Variants in LRIF1 observed in about 807,000 individuals in gnomAD.
LRIF1 encodes the protein ligand dependent nuclear receptor interacting factor 1.
A neutral mutation model predicts 52.7 loss-of-function variants in LRIF1; 32 were observed. The ratio of observed to expected loss-of-function variants is 0.61; its 90% CI spans 0.46 to 0.82. The LOEUF (loss-of-function observed/expected upper bound fraction) is 0.82. LRIF1 is among the 40% of genes least tolerant of loss of function. The pLI is 0.00. For synonymous variants in LRIF1, 323 were observed against 317.4 expected, an observed-to-expected ratio of 1.02 and a Z score of -0.19; for missense variants, 887 against 892.0, an observed-to-expected ratio of 0.99 and a Z score of 0.07.
chr1:110,961,819 G>C (rs888575501), intron 1 of LRIF1, among the ~76,000 whole-genome samples: 5 of 152,006 alleles, frequency 3.3e-5, no homozygotes, highest in Non-Finnish European at 7.4e-5. Context: ...TTACAGAACA[G>C]AATGGAATCA....
chr1:110,957,301 C>CAAA (rs35011841), intron 1 of LRIF1, among the ~76,000 whole-genome samples: 72 of 81,872 alleles, frequency 8.8e-4, no homozygotes, highest in African/African-American at 3.0e-3. Flanking sequence ...ACTAAAAATA[C>CAAA]AAAAAAAAAA....
At chr1:110,885,119 A>G in the LRIF1 span, among the ~76,000 whole-genome samples, 2 of 152,140 alleles carry the variant, frequency 1.3e-5, no homozygotes, top group Non-Finnish European at 2.9e-5. Context: ...CACTTTACAT[A>G]TAAGAAGCTC....
chr1:110,911,576 C>G, the LRIF1 span, among the ~76,000 whole-genome samples: 6 of 152,048 alleles, frequency 3.9e-5, no homozygotes, highest in Non-Finnish European at 7.4e-5. Context: ...GCCAATATAC[C>G]TGATGAACAC....
At chr1:110,894,920 CT>C in the LRIF1 span, 29 of 1,505,800 alleles carry the variant, frequency 1.9e-5, no homozygotes, top group Non-Finnish European at 2.4e-5. Flanking sequence ...AACTCACCTG[CT>C]TTTTACCATG....
In LRIF1 at chr1:110,952,684, G is replaced by A; in HGVS notation, c.200C>T (p.Ala67Val). 6.2e-7 allele frequency: 1 copy of A among 1,614,068 alleles called. No homozygotes were observed. Among genetic ancestry groups the A allele is most frequent in the Non-Finnish European group, 8.5e-7 (1 of 1,179,998 alleles). The stretch of plus-strand genomic sequence containing the variant: ...TGGTTTTCCTGTATTCCCTTTCAAA[G>A]CATCAGACATGACTGAAGATTGAAC... Reference protein sequence around the residue: ...PLVQSSVMSDALKGNTGKPVQ... With the variant: ...PLVQSSVMSDVLKGNTGKPVQ... The change falls in exon 2 of 4, where the codon GCT becomes GTT. Residue 67 changes from alanine to valine, a missense_variant. By Grantham distance (64) the Ala-to-Val change is moderately conservative. Coordinates refer to ENST00000369763, the MANE Select transcript of LRIF1 (RefSeq NM_018372.4).
chr1:110,949,292 G>T (rs1347513392), intron 3 of LRIF1, among the ~76,000 whole-genome samples: 2 of 151,766 alleles, frequency 1.3e-5, no homozygotes, highest in Admixed American at 1.3e-4. Flanking sequence ...CTAATTTTTT[G>T]TATTTTTAGT....
downstream of LRIF1, chr1:110,943,493 GATTT>G (rs1426267335): frequency 6.6e-6 from 1 of 152,078 alleles, no homozygotes; most frequent in Non-Finnish European, 1.5e-5. Flanking sequence ...TATTTATTAG[GATTT>G]ATTTAACCAA....
chr1:110,954,942 C>G (rs1033519356), intron 1 of LRIF1, among the ~76,000 whole-genome samples: 1 of 152,202 alleles, frequency 6.6e-6, no homozygotes, highest in East Asian at 1.9e-4. Flanking sequence ...ATTCTGTACT[C>G]TTTTGTTAGA....
chr1:110,959,989 A>C (rs1341238837), intron 1 of LRIF1, among the ~76,000 whole-genome samples: 1 of 152,074 alleles, frequency 6.6e-6, no homozygotes, highest in Non-Finnish European at 1.5e-5. Flanking sequence ...ATACATATAG[A>C]ACATAATATA....
chr1:110,924,703 A>T, the LRIF1 span, among the ~76,000 whole-genome samples: 1 of 152,190 alleles, frequency 6.6e-6, no homozygotes, highest in Non-Finnish European at 1.5e-5. Context: ...TTGGGTGGGG[A>T]TACAAAGCCT....
the LRIF1 span, chr1:110,899,117 T>C: frequency 6.2e-7 from 1 of 1,612,164 alleles, no homozygotes; most frequent in Non-Finnish European, 8.5e-7. Flanking sequence ...CCCAACTCTT[T>C]TCACAGGTGT....
At chr1:110,904,098 C>A in the LRIF1 span, among the ~76,000 whole-genome samples, 1 of 152,184 alleles carries the variant, frequency 6.6e-6, no homozygotes, top group East Asian at 1.9e-4. Context: ...TGAATGCCAG[C>A]TCAGCCACAG....
chr1:110,902,588 A>G, the LRIF1 span, among the ~76,000 whole-genome samples: 1 of 152,128 alleles, frequency 6.6e-6, no homozygotes, highest in African/African-American at 2.4e-5. Context: ...GGCATTAAAA[A>G]CAGTGATCTC....
intron 1 of LRIF1, among the ~76,000 whole-genome samples, chr1:110,961,531 T>C (rs1658946571): frequency 6.6e-6 from 1 of 152,180 alleles, no homozygotes; most frequent in Non-Finnish European, 1.5e-5. Flanking sequence ...TAAGATTAAA[T>C]TTGGGTTTTA....
the LRIF1 span, chr1:110,895,064 A>C: frequency 1.3e-6 from 2 of 1,590,844 alleles, no homozygotes; most frequent in South Asian, 1.1e-5. Context: ...TTGTGAGTAC[A>C]GGTGGAATCC....
downstream of LRIF1, among the ~76,000 whole-genome samples, chr1:110,946,336 G>A (rs904201149): frequency 2.6e-5 from 4 of 152,202 alleles, no homozygotes; most frequent in Non-Finnish European, 5.9e-5. Flanking sequence ...CATAAGGAGA[G>A]GTGATGGGGA....
chr1:110,903,817 T>TA, the LRIF1 span, among the ~76,000 whole-genome samples: 384 of 152,230 alleles, frequency 2.5e-3, 1 homozygote, highest in African/African-American at 8.9e-3. Context: ...GAGCACCAAG[T>TA]AGGCTCCTGA....
chr1:110,887,353 C>G, the LRIF1 span, among the ~76,000 whole-genome samples: 8 of 152,148 alleles, frequency 5.3e-5, no homozygotes, highest in Non-Finnish European at 1.0e-4. Flanking sequence ...CGTGAGCCAC[C>G]GCGCCCAGCC....
chr1:110,877,011 C>T, the LRIF1 span, among the ~76,000 whole-genome samples: 1 of 152,082 alleles, frequency 6.6e-6, no homozygotes, highest in Non-Finnish European at 1.5e-5. Context: ...TGATCAAAAC[C>T]AGGAAATTAA....
Sources: gnomAD v4.1 joint callset for allele counts (sites outside exome capture counted in the v4.1 genomes callset) on GRCh38, gnomAD v4.1.1 for gene constraint, MANE v1.5 for transcripts, NCBI Gene and HGNC (gene_info 2026-07-23, HGNC 2026-07-21) for gene names.